Variants in SCN1A observed in about 807,000 individuals in gnomAD.
SCN1A encodes the protein sodium voltage-gated channel alpha subunit 1, also known as sodium channel protein type 1 subunit alpha.
In SCN1A, 13 loss-of-function variants were observed where a neutral mutation model predicts 193.7. The observed-to-expected ratio is 0.07, with a 90% CI of 0.04 to 0.11. SCN1A has a LOEUF of 0.11. Ranked by LOEUF, SCN1A falls within the 10% of genes least tolerant of loss-of-function variation. SCN1A has a pLI of 1.00. For missense variants in SCN1A, 1,432 were observed against 2,451.1 expected, an observed-to-expected ratio of 0.58 and a Z score of 8.78; for synonymous variants, 781 against 843.6, an observed-to-expected ratio of 0.93 and a Z score of 1.29.
chr2:166,035,511 G>A (rs754963740), intron 19 of SCN1A, among the ~76,000 whole-genome samples: 1 of 152,088 alleles, frequency 6.6e-6, no homozygotes, highest in Non-Finnish European at 1.5e-5. Flanking sequence ...TGCATGTATT[G>A]TAAATGTTCC....
intron 19 of SCN1A, among the ~76,000 whole-genome samples, chr2:166,017,490 A>G (rs1559156292): frequency 6.6e-6 from 1 of 152,036 alleles, no homozygotes; most frequent in Non-Finnish European, 1.5e-5. Context: ...AACATTACAC[A>G]GATTCATCAT....
At chr2:166,127,159 T>C (rs1460300864) in intron 1 of SCN1A, 149 bp from the exon 2 acceptor site, 1 of 152,200 alleles carries the variant, frequency 6.6e-6, no homozygotes, top group Non-Finnish European at 1.5e-5. Context: ...CTCAAGCTCT[T>C]TTTTAGTGTG....
In SCN1A at chr2:166,045,594, C is replaced by T. The variant is rs1455690481; in HGVS notation, c.1378-267G>A. Among the ~76,000 whole-genome samples the T allele has an allele frequency of 2.6e-5, 4 of 152,026 alleles. No homozygotes were observed. The East Asian group carries it at 7.7e-4, about 29-fold the overall frequency. ...AGACCACGTATTCAAAAATATCCAACATGTATCAACAAGAAAATAAATTCA... is the reference window on the plus strand; with the variant it reads ...AGACCACGTATTCAAAAATATCCAATATGTATCAACAAGAAAATAAATTCA... On this transcript the variant is annotated intron_variant, in intron 12 of 28. Coordinates refer to ENST00000674923, the MANE Select transcript of SCN1A (RefSeq NM_001165963.4).
intron 4 of SCN1A, chr2:166,060,199 T>G (rs1393371937): frequency 1.3e-5 from 2 of 152,182 alleles, no homozygotes; most frequent in African/African-American, 4.8e-5. Context: ...CTGCATTCCC[T>G]CTATCATCTT....
chr2:166,049,247 T>A (rs897139526), intron 9 of SCN1A, among the ~76,000 whole-genome samples: 3 of 151,930 alleles, frequency 2.0e-5, no homozygotes, highest in Non-Finnish European at 4.4e-5. Flanking sequence ...AAGTTAGTGA[T>A]AATGACAGGT....
chr2:166,090,718 A>G (rs986508187), intron 2 of SCN1A, among the ~76,000 whole-genome samples: 2 of 152,224 alleles, frequency 1.3e-5, no homozygotes, highest in Non-Finnish European at 2.9e-5. Context: ...CAGAAGAGTG[A>G]TAGGTACTTA....
At chr2:166,078,885 A>C (rs1179625960) in intron 2 of SCN1A, among the ~76,000 whole-genome samples, 1 of 151,648 alleles carries the variant, frequency 6.6e-6, no homozygotes, top group Non-Finnish European at 1.5e-5. Flanking sequence ...TATTTAAAAG[A>C]AAGTGTTTAA....
chr2:166,056,351 A>T, intron 6 of SCN1A, 60 bp downstream of exon 6: 3 of 1,051,524 alleles, frequency 2.9e-6, no homozygotes, highest in Non-Finnish European at 4.5e-6. Flanking sequence ...AGACTACATT[A>T]AGACACAGTT....
intron 19 of SCN1A, among the ~76,000 whole-genome samples, chr2:166,033,689 C>T (rs1351512167): frequency 6.6e-6 from 1 of 152,108 alleles, no homozygotes; most frequent in African/African-American, 2.4e-5. Flanking sequence ...AGAACTACCT[C>T]TAGTGCTTCA....
intron 2 of SCN1A, among the ~76,000 whole-genome samples, chr2:166,120,492 A>G (rs1235113770): frequency 6.6e-6 from 1 of 151,432 alleles, no homozygotes; most frequent in African/African-American, 2.4e-5. Flanking sequence ...CATTATGTTT[A>G]ATGGTACTAT....
intron 1 of SCN1A, among the ~76,000 whole-genome samples, chr2:166,146,228 T>C (rs1335996253): frequency 6.6e-6 from 1 of 152,138 alleles, no homozygotes; most frequent in Non-Finnish European, 1.5e-5. Context: ...GGTAGATACC[T>C]GAGCAAGATA....
chr2:166,085,649 A>C (rs1686032098), intron 2 of SCN1A, among the ~76,000 whole-genome samples: 1 of 152,134 alleles, frequency 6.6e-6, no homozygotes, highest in Non-Finnish European at 1.5e-5. Context: ...GAGAGTGTTG[A>C]GCACAAATTA....
intron 1 of SCN1A, chr2:166,133,682 G>A (rs550343189): frequency 2.1e-4 from 32 of 151,922 alleles, no homozygotes; most frequent in Non-Finnish European, 4.3e-4. Context: ...TTTAGCTAAC[G>A]TGTAAGAAGA....
chr2:166,039,361 A>G (rs1448793037), intron 17 of SCN1A, 62 bp downstream of exon 17: 2 of 1,545,968 alleles, frequency 1.3e-6, no homozygotes, highest in Non-Finnish European at 1.8e-6. Context: ...TGACATTGCT[A>G]TGCAAGAACC....
At chr2:166,066,266 T>C (rs547754389) in intron 4 of SCN1A, among the ~76,000 whole-genome samples, 87 of 152,316 alleles carry the variant, frequency 5.7e-4, no homozygotes, top group African/African-American at 2.0e-3. Flanking sequence ...ATCATCAGAA[T>C]GTACATACCA....
At chr2:166,146,557 G>A (rs1245640460) in intron 1 of SCN1A, among the ~76,000 whole-genome samples, 1 of 152,166 alleles carries the variant, frequency 6.6e-6, no homozygotes, top group Non-Finnish European at 1.5e-5. Context: ...GTGGGTAGAG[G>A]CAAGGACCCT....
intron 14 of SCN1A, 143 bp downstream of exon 14, chr2:166,043,526 G>T: frequency 1.1e-6 from 1 of 874,828 alleles, no homozygotes; most frequent in Non-Finnish European, 1.7e-6. Flanking sequence ...TAGTTGGTTA[G>T]TCTATTAAAG....
At chr2:166,075,673 A>G (rs80007944) in intron 3 of SCN1A, among the ~76,000 whole-genome samples, 31 of 152,180 alleles carry the variant, frequency 2.0e-4, no homozygotes, top group African/African-American at 7.5e-4. Flanking sequence ...ATATGTGGAT[A>G]TATTTATAAA....
chr2:166,087,063 GGAA>G (rs761729339), intron 2 of SCN1A, among the ~76,000 whole-genome samples: 7 of 152,026 alleles, frequency 4.6e-5, no homozygotes, highest in Admixed American at 1.3e-4. Context: ...GGGCCTAATG[GGAA>G]GTGTTTGGGT....
Sources: gnomAD v4.1 joint callset for allele counts (sites outside exome capture counted in the v4.1 genomes callset) on GRCh38, gnomAD v4.1.1 for gene constraint, MANE v1.5 for transcripts, NCBI Gene and HGNC (gene_info 2026-07-23, HGNC 2026-07-21) for gene names.